Variants in ST7 observed in about 807,000 individuals in gnomAD.
The protein encoded by ST7 is suppression of tumorigenicity 7, also known as suppressor of tumorigenicity 7 protein.
A neutral mutation model predicts 78.7 loss-of-function variants in ST7; 28 were observed. The ratio of observed to expected loss-of-function variants is 0.36; its 90% CI spans 0.26 to 0.49. ST7 has a LOEUF of 0.49. Among genes scored for constraint, ST7 ranks in the 20% least tolerant of loss-of-function variants. ST7 has a pLI of 0.99. For synonymous variants in ST7, 247 were observed against 249.6 expected (o/e 0.99, Z 0.10); for missense variants, 418 against 696.0 (o/e 0.60, Z 4.49).
intron 9 of ST7, among the ~76,000 whole-genome samples, chr7:117,145,971 C>G (rs1457016667): frequency 6.6e-6 from 1 of 152,140 alleles, no homozygotes; most frequent in Non-Finnish European, 1.5e-5. Flanking sequence ...TCAGAGGGAG[C>G]TCCTTGTGTC....
chr7:116,979,958 C>CTTTTTTTTTTTTTTTTTTTTTT (rs745530832), intron 1 of ST7, among the ~76,000 whole-genome samples: 3 of 86,240 alleles, frequency 3.5e-5, no homozygotes, highest in African/African-American at 4.4e-5. Context: ...TTTTGTTTCT[C>CTTTTTTTTTTTTTTTTTTTTTT]TTTTTTTTTT....
At chr7:117,137,184 A>G (rs1186289274) in intron 8 of ST7, 1 of 152,166 alleles carries the variant, frequency 6.6e-6, no homozygotes, top group African/African-American at 2.4e-5. Context: ...GGTTTGGTGT[A>G]GAAACTGACT....
At chr7:117,092,422 T>G (rs779943830) in intron 1 of ST7, among the ~76,000 whole-genome samples, 22 of 152,054 alleles carry the variant, frequency 1.4e-4, no homozygotes, top group Non-Finnish European at 2.2e-4. Flanking sequence ...GAAAAGTTCT[T>G]TCATTTTAAA....
At chr7:117,077,369 T>C (rs1799427067) in intron 1 of ST7, among the ~76,000 whole-genome samples, 1 of 152,214 alleles carries the variant, frequency 6.6e-6, no homozygotes, top group South Asian at 2.1e-4. Flanking sequence ...CCCTTTTCTG[T>C]CTAGAATTTA....
chr7:117,054,154 C>T (rs1797941055), intron 1 of ST7, among the ~76,000 whole-genome samples: 2 of 152,052 alleles, frequency 1.3e-5, no homozygotes, highest in Admixed American at 6.5e-5. Flanking sequence ...ACAGTTTTGA[C>T]CTTAGCTAGC....
intron 1 of ST7, among the ~76,000 whole-genome samples, chr7:116,994,974 T>G (rs1794585786): frequency 6.6e-6 from 1 of 152,174 alleles, no homozygotes. Context: ...TCAAATGTCT[T>G]GCATGCCTCT....
At chr7:117,097,412 G>A (rs1801135827) in intron 1 of ST7, among the ~76,000 whole-genome samples, 1 of 149,842 alleles carries the variant, frequency 6.7e-6, no homozygotes, top group African/African-American at 2.5e-5. Flanking sequence ...GGCAACTTCC[G>A]CCTCCCGGGT....
intron 1 of ST7, among the ~76,000 whole-genome samples, chr7:117,093,295 C>T (rs760942280): frequency 6.6e-6 from 1 of 152,190 alleles, no homozygotes; most frequent in Non-Finnish European, 1.5e-5. Flanking sequence ...TAGCACAGTG[C>T]TTGGCACATA....
chr7:117,022,961 C>A (rs1795999637), intron 1 of ST7: 1 of 152,168 alleles, frequency 6.6e-6, no homozygotes, highest in Non-Finnish European at 1.5e-5. Context: ...TCTCTTGTGG[C>A]CTTTCCCAGT....
In ST7 at chr7:117,222,011, G is replaced by A. The variant is rs1346568760; in HGVS notation, c.1587G>A (p.Leu529=). 6.2e-7 allele frequency: 1 copy of A among 1,612,614 alleles called. No homozygotes were observed. The highest frequency in any genetic ancestry group is 1.7e-5 in the Admixed American group (1 of 59,856). Residue 529 remains leucine (L), a synonymous_variant, in exon 15 of 16, where the codon CTG becomes CTA. Transcript: ENST00000323984. ...GATTATGTTCCTTCACAGCCATGCTGGCCCTCCTGACACATCAGTTCCCGG... is the reference window on the plus strand; with the variant it reads ...GATTATGTTCCTTCACAGCCATGCTAGCCCTCCTGACACATCAGTTCCCGG... ...TAGLCSFTAM[L]ALLTHQFPEL...
intron 9 of ST7, among the ~76,000 whole-genome samples, chr7:117,158,618 T>C (rs932167732): frequency 1.3e-5 from 2 of 152,222 alleles, no homozygotes; most frequent in Non-Finnish European, 2.9e-5. Context: ...TGCAGCTTAA[T>C]ATTTAGATTA....
chr7:117,226,894 T>C lies in ST7; in HGVS notation c.1639-2868T>C, dbSNP rs141055782. Among the ~76,000 whole-genome samples, 41 of 152,248 alleles carry C rather than the reference T, an allele frequency of 2.7e-4. 1 individual carries two copies. In the East Asian group the frequency reaches 6.4e-3, roughly 24 times the overall value. ...CAAATCATTCTATACGTTGGAAGCA[T>C]TGGGGCTTCGTATTCTTGTGGAACC... On this transcript the variant is annotated intron_variant, in intron 15 of 15. Coordinates refer to ENST00000323984, the MANE Select transcript of ST7 (RefSeq NM_001369598.1).
intron 1 of ST7, chr7:116,968,462 C>T: frequency 2.2e-6 from 1 of 452,876 alleles, no homozygotes; most frequent in Non-Finnish European, 4.5e-6. Flanking sequence ...TCTGCCTCAA[C>T]CTTCTGATTA....
At chr7:117,215,419 A>G (rs1252791940) in intron 13 of ST7, among the ~76,000 whole-genome samples, 2 of 152,222 alleles carry the variant, frequency 1.3e-5, no homozygotes, top group Non-Finnish European at 2.9e-5. Context: ...TGACAGAGAA[A>G]GTAGGAACTT....
intron 1 of ST7, among the ~76,000 whole-genome samples, chr7:117,066,185 T>C (rs564668107): frequency 2.0e-5 from 3 of 152,340 alleles, no homozygotes; most frequent in Non-Finnish European, 4.4e-5. Flanking sequence ...GCCCTTCCAG[T>C]GTGCCAATCA....
At position 117,094,674 on chromosome 7, in the gene ST7, GCTCTGCAAGAACGTGGGA is replaced by G. The variant is rs1800888323; in HGVS notation, c.152-5083_152-5066del. The stretch of plus-strand genomic sequence containing the variant: ...TCTGGGAAACAGATAGGAAACCAAA[GCTCTGCAAGAACGTGGGA>G]CTCTCTCAGGGCCATCACAACACTG... On this transcript the variant is annotated intron_variant, in intron 1 of 15. Coordinates refer to ENST00000323984, the MANE Select transcript of ST7 (RefSeq NM_001369598.1). Among the ~76,000 whole-genome samples the G allele has an allele frequency of 3.3e-5, 5 of 152,120 alleles. No homozygotes were observed. The South Asian group carries it at 1.0e-3, about 32-fold the overall frequency.
At chr7:116,998,922 A>G (rs1794801411) in intron 1 of ST7, among the ~76,000 whole-genome samples, 1 of 152,228 alleles carries the variant, frequency 6.6e-6, no homozygotes, top group Non-Finnish European at 1.5e-5. Flanking sequence ...TATCAGGGGA[A>G]GAATGTTTCA....
intron 12 of ST7, among the ~76,000 whole-genome samples, chr7:117,205,276 G>A (rs893689325): frequency 2.0e-5 from 3 of 151,820 alleles, no homozygotes; most frequent in African/African-American, 7.3e-5. Flanking sequence ...TTTCCATTTA[G>A]CAATGTATGA....
chr7:117,133,741 C>T (rs1804556315), intron 6 of ST7, among the ~76,000 whole-genome samples: 2 of 151,722 alleles, frequency 1.3e-5, no homozygotes, highest in Admixed American at 6.6e-5. Flanking sequence ...GCTCTCCTGA[C>T]ATTATTCTTA....
Sources: allele counts gnomAD v4.1 joint callset (sites outside exome capture counted in the v4.1 genomes callset), GRCh38; gene constraint gnomAD v4.1.1; transcripts MANE v1.5; gene names NCBI Gene and HGNC (gene_info 2026-07-23, HGNC 2026-07-21).